The following TTC23 variants were observed in gnomAD, a reference collection of about 807,000 sequenced individuals.
TTC23 encodes the protein tetratricopeptide repeat domain 23, also known as tetratricopeptide repeat protein 23.
Under a neutral mutation model 55.1 loss-of-function variants are expected in TTC23, and 58 were observed. The ratio of observed to expected loss-of-function variants is 1.05; its 90% CI spans 0.85 to 1.31. The LOEUF (loss-of-function observed/expected upper bound fraction) is 1.31. TTC23 is among the 50% of genes most tolerant of loss of function. The pLI, the probability that TTC23 is intolerant of heterozygous loss-of-function variation, is 0.00. For missense variants in TTC23, 516 were observed against 534.4 expected (o/e 0.97, Z 0.34); for synonymous variants, 203 against 199.9 (o/e 1.02, Z -0.13).
At chr15:99,154,883 T>G (rs1410019825) in intron 12 of TTC23, among the ~76,000 whole-genome samples, 10 of 152,222 alleles carry the variant, frequency 6.6e-5, no homozygotes, top group Non-Finnish European at 1.0e-4. Flanking sequence ...GCATTTACAC[T>G]AAGATCAGGA....
At chr15:99,247,120 CCA>C (rs1231762763) in intron 1 of TTC23, among the ~76,000 whole-genome samples, 1 of 152,126 alleles carries the variant, frequency 6.6e-6, no homozygotes, top group Non-Finnish European at 1.5e-5. Flanking sequence ...TAATAAGATA[CCA>C]CTTAAAATCC....
chr15:99,143,462 A>C (rs1350879452), intron 12 of TTC23, among the ~76,000 whole-genome samples: 1 of 152,228 alleles, frequency 6.6e-6, no homozygotes, highest in Non-Finnish European at 1.5e-5. Flanking sequence ...CCAAACCTTG[A>C]CAGTAGAACA....
chr15:99,144,115 C>T (rs1376703372), intron 12 of TTC23, among the ~76,000 whole-genome samples: 1 of 152,190 alleles, frequency 6.6e-6, no homozygotes, highest in Non-Finnish European at 1.5e-5. Context: ...ATTCGGAAAG[C>T]TGGGGTAGTT....
At chr15:99,153,231 T>C (rs1596285415) in intron 12 of TTC23, among the ~76,000 whole-genome samples, 1 of 152,266 alleles carries the variant, frequency 6.6e-6, no homozygotes, top group South Asian at 2.1e-4. Context: ...TTAAAAATGA[T>C]TGATTTAATA....
chr15:99,154,249 T>G (rs1289290622), intron 12 of TTC23, among the ~76,000 whole-genome samples: 1 of 152,210 alleles, frequency 6.6e-6, no homozygotes, highest in Non-Finnish European at 1.5e-5. Flanking sequence ...ACATTGATCC[T>G]TAAACAAATA....
rs781957655 is a variant in TTC23, at chr15:99,139,405, G to GAAC, written c.1144-9_1144-7dup. The GAAC allele has an allele frequency of 6.2e-7, 1 of 1,614,120 alleles. No homozygotes were observed. Among genetic ancestry groups the GAAC allele is most frequent in the Non-Finnish European group, 8.5e-7 (1 of 1,180,024 alleles). ...AGGGTCTGGATCTGGAGACACTGTA[G>GAAC]AACACCAAGCAGCTATCATGAGGCT... On this transcript the variant is annotated splice_polypyrimidine_tract_variant and splice_region_variant and intron_variant, in intron 12 of 13. Transcript: ENST00000394132.
At chr15:99,170,190 C>T (rs2072719874) in intron 10 of TTC23, among the ~76,000 whole-genome samples, 1 of 152,048 alleles carries the variant, frequency 6.6e-6, no homozygotes, top group Non-Finnish European at 1.5e-5. Context: ...AATCACAAGC[C>T]TTCGTGACTT....
At chr15:99,209,231 C>G (rs1004717365) in intron 8 of TTC23, among the ~76,000 whole-genome samples, 2 of 152,080 alleles carry the variant, frequency 1.3e-5, no homozygotes, top group African/African-American at 4.8e-5. Flanking sequence ...TTTAAAAACT[C>G]TGGAATTTGG....
intron 12 of TTC23, among the ~76,000 whole-genome samples, chr15:99,152,478 G>A (rs2069924780): frequency 6.6e-6 from 1 of 152,006 alleles, no homozygotes. Context: ...CCGAGTTCAA[G>A]CGACTCTCCT....
At chr15:99,216,669 T>G (rs545581360) in intron 8 of TTC23, among the ~76,000 whole-genome samples, 47 of 152,322 alleles carry the variant, frequency 3.1e-4, no homozygotes, top group Admixed American at 1.3e-3. Context: ...AGAACTTTAA[T>G]AATTAGATAG....
At position 99,218,628 on chromosome 15, in the gene TTC23, A is replaced by G. The variant is rs1459327414; in HGVS notation, c.541T>C (p.Trp181Arg). The G allele has an allele frequency of 6.2e-7, 1 of 1,614,184 alleles. No individual in the cohort carries two copies. Among genetic ancestry groups the G allele is most frequent in the Non-Finnish European group, 8.5e-7 (1 of 1,180,036 alleles). Residue 181 changes from tryptophan to arginine, a missense_variant, in exon 8 of 14, where the codon TGG becomes CGG. Physicochemically the swap from Trp to Arg is moderately radical, Grantham distance 101 (BLOSUM62 -3). Coordinates refer to ENST00000394132, the MANE Select transcript of TTC23 (RefSeq NM_001288615.3). ...LQCGRIIKEE[W>R]IEIEARIRLS... The stretch of plus-strand genomic sequence containing the variant: ...CTGATCCGTGCTTCAATTTCTATCC[A>G]TTCTTCCTTTATAATTCTTCCACAT...
At chr15:99,220,486 G>A (rs2077831691) in intron 6 of TTC23, among the ~76,000 whole-genome samples, 2 of 152,124 alleles carry the variant, frequency 1.3e-5, no homozygotes, top group African/African-American at 4.8e-5. Context: ...TTAACAGTGT[G>A]GTATGGGGAA....
chr15:99,162,058 T>C (rs1329035408), intron 10 of TTC23, among the ~76,000 whole-genome samples, 191 bp from the exon 11 acceptor site: 1 of 152,254 alleles, frequency 6.6e-6, no homozygotes, highest in Non-Finnish European at 1.5e-5. Flanking sequence ...AAGGATACCG[T>C]AATTTACTTT....
At chr15:99,229,338 A>G (rs900905359) in intron 4 of TTC23, among the ~76,000 whole-genome samples, 2 of 152,174 alleles carry the variant, frequency 1.3e-5, no homozygotes, top group African/African-American at 2.4e-5. Context: ...CCCAAAACAA[A>G]CAGATAAGCA....
intron 4 of TTC23, among the ~76,000 whole-genome samples, chr15:99,233,535 A>T (rs933057656): frequency 6.6e-6 from 1 of 152,166 alleles, no homozygotes. Flanking sequence ...ACAAGATCTA[A>T]TATCTAATAT....
intron 9 of TTC23, among the ~76,000 whole-genome samples, chr15:99,193,359 A>G (rs546549567): frequency 6.6e-6 from 1 of 152,050 alleles, no homozygotes; most frequent in African/African-American, 2.4e-5. Context: ...TGTGGGAGGG[A>G]TCTGGTGGGA....
At chr15:99,221,308 A>G (rs1423568501) in intron 6 of TTC23, among the ~76,000 whole-genome samples, 10 of 152,184 alleles carry the variant, frequency 6.6e-5, no homozygotes, top group African/African-American at 2.4e-4. Context: ...TTTAAGTTGT[A>G]TGAGCCAAAA....
In TTC23 at chr15:99,187,280, G is replaced by A. The variant is rs964841756; in HGVS notation, c.760-12125C>T. On this transcript the variant is annotated intron_variant, in intron 9 of 13. Transcript: ENST00000394132. ...TATGCCCCTCTACCCCGCCAAAAAAGGAAGTTGGACCCCTATACCTCACAC... is the reference window on the plus strand; with the variant it reads ...TATGCCCCTCTACCCCGCCAAAAAAAGAAGTTGGACCCCTATACCTCACAC... Among the ~76,000 whole-genome samples, 4 of 151,506 alleles carry A rather than the reference G, an allele frequency of 2.6e-5. No individual in the cohort carries two copies. The South Asian group carries it at 8.3e-4, about 32-fold the overall frequency.
chr15:99,236,550 A>G (rs2079335187), intron 3 of TTC23, among the ~76,000 whole-genome samples: 1 of 151,050 alleles, frequency 6.6e-6, no homozygotes, highest in East Asian at 1.9e-4. Context: ...ACTGCAGCCT[A>G]CAACTCTTGG....
Sources: gnomAD v4.1 joint callset for allele counts (sites outside exome capture counted in the v4.1 genomes callset) on GRCh38, gnomAD v4.1.1 for gene constraint, MANE v1.5 for transcripts, NCBI Gene and HGNC (gene_info 2026-07-23, HGNC 2026-07-21) for gene names.